MORN3: variants seen among roughly 807,000 people sequenced by gnomAD.
MORN3 encodes the protein MORN repeat containing 3.
Under a neutral mutation model 34.7 loss-of-function variants are expected in MORN3, and 38 were observed. The observed-to-expected ratio is 1.10, with a 90% CI of 0.85 to 1.44. MORN3 has a LOEUF of 1.44. Among genes scored for constraint, MORN3 ranks in the 40% most tolerant of loss-of-function variants. The pLI, the probability that MORN3 is intolerant of heterozygous loss-of-function variation, is 0.00. For synonymous variants in MORN3, 109 were observed against 115.3 expected (o/e 0.95, Z 0.35); for missense variants, 311 against 321.7 (o/e 0.97, Z 0.25).
At chr12:121,660,239 C>T (rs1353391824) in intron 1 of MORN3, among the ~76,000 whole-genome samples, 1 of 148,200 alleles carries the variant, frequency 6.7e-6, no homozygotes, top group African/African-American at 2.5e-5. Flanking sequence ...GCCTGGGAGA[C>T]GAGCGAAACT....
chr12:121,657,917 C>T (rs1893457454), intron 2 of MORN3, among the ~76,000 whole-genome samples: 1 of 151,976 alleles, frequency 6.6e-6, no homozygotes, highest in Admixed American at 6.6e-5. Flanking sequence ...GTCTCCCACA[C>T]AGCCAGTTCT....
Position 121,654,270 on chromosome 12 carries a change from T to G in MORN3, c.463+4A>C, listed in dbSNP as rs1893341513. 2 of 1,554,246 alleles carry G rather than the reference T, an allele frequency of 1.3e-6. No homozygotes were observed. The highest frequency in any genetic ancestry group is 1.7e-6 in the Non-Finnish European group (2 of 1,149,980). ...GGCGGGGCCGGCGGGGGTGGGGCAC[T>G]CACTCAGGCGCAGCATGCCCTCCCC... On this transcript the variant is annotated splice_donor_region_variant and intron_variant, in intron 3 of 5. Coordinates refer to ENST00000355329, the MANE Select transcript of MORN3 (RefSeq NM_173855.5).
chr12:121,661,933 GAAGA>G lies in MORN3; in HGVS notation c.146-2589_146-2586del, dbSNP rs377537458. On this transcript the variant is annotated intron_variant, in intron 1 of 5. Transcript: ENST00000355329. ...GGAGGAAGGGAGGAAGGAAGGAAGG[GAAGA>G]AAGAAAGAAAACGTGCCATTTGTGA... 3.4e-3 allele frequency among the ~76,000 whole-genome samples: 508 copies of G among 151,340 alleles called. 2 individuals carry two copies. The highest frequency in any genetic ancestry group is 0.011 in the African/African-American group (459 of 41,224).
chr12:121,659,317 T>C lies in MORN3; in HGVS notation c.177A>G (p.Gly59=), dbSNP rs989469815. 3.7e-6 allele frequency: 6 copies of C among 1,613,984 alleles called. No individual in the cohort carries two copies. In the African/African-American group the frequency reaches 5.3e-5, roughly 14 times the overall value. ...ACTTCCAGTCCCCCTCATAGATGGC[T>C]CCTTTCTTCTTCCAGACCTGTGTTC... ...GKGTQVWKKK[G]AIYEGDWKFG... is the part of the protein sequence containing the mutation. The change falls in exon 2 of 6, where the codon GGA becomes GGG. Residue 59 remains glycine (G), a synonymous_variant. Transcript: ENST00000355329.
chr12:121,668,752 C>T (rs1008755641), intron 1 of MORN3, among the ~76,000 whole-genome samples: 4 of 152,120 alleles, frequency 2.6e-5, no homozygotes, highest in African/African-American at 9.7e-5. Context: ...TCTGGAATTG[C>T]AAGACTGGAG....
chr12:121,653,789 A>G (rs1219219066), intron 3 of MORN3, among the ~76,000 whole-genome samples: 1 of 152,130 alleles, frequency 6.6e-6, no homozygotes, highest in African/African-American at 2.4e-5. Context: ...TACAGGCATG[A>G]GCCACTGCGC....
intron 5 of MORN3, among the ~76,000 whole-genome samples, chr12:121,652,382 T>C (rs1250301677): frequency 1.3e-5 from 2 of 152,064 alleles, no homozygotes; most frequent in African/African-American, 4.8e-5. Flanking sequence ...TACAGGTGCC[T>C]GCCACCACAC....
At chr12:121,658,997 C>G (rs989892429) in intron 2 of MORN3, among the ~76,000 whole-genome samples, 194 bp downstream of exon 2, 1 of 152,050 alleles carries the variant, frequency 6.6e-6, no homozygotes, top group Non-Finnish European at 1.5e-5. Context: ...TTCCTGTTTC[C>G]TGGGTTTTGT....
Position 121,654,330 on chromosome 12 carries a change from A to C in MORN3, c.407T>G (p.Ile136Ser). 6.2e-7 allele frequency: 1 copy of C among 1,603,060 alleles called. No homozygotes were observed. Among genetic ancestry groups the C allele is most frequent in the Non-Finnish European group, 8.5e-7 (1 of 1,175,582 alleles). Residue 136 changes from isoleucine (I) to serine (S), a missense_variant, in exon 3 of 6, where the codon ATC becomes AGC. By Grantham distance (142) the Ile-to-Ser change is moderately radical. Coordinates refer to ENST00000355329, the MANE Select transcript of MORN3 (RefSeq NM_173855.5). ...GTCGTTCTCCCACTGTCCCTCGTAG[A>C]TGTCGCCGTTGCTGTAATACATGCG... ...WGRMYYSNGDIYEGQWENDKP... is the reference protein window; with the variant it reads ...WGRMYYSNGDSYEGQWENDKP...
At chr12:121,671,532 C>A (rs371108938), upstream of MORN3, among the ~76,000 whole-genome samples, 12 of 152,062 alleles carry the variant, frequency 7.9e-5, no homozygotes, top group Non-Finnish European at 2.9e-5. Flanking sequence ...CAATTTAAGT[C>A]TTAGCTAGAT....
In MORN3 at chr12:121,659,364, T is replaced by C; in HGVS notation, c.146-16A>G. ...GTTCCTTTCCCTGGTGACACACAGATGGGCAATGCTGCAGACATGGCCGCC... is the reference window on the plus strand; with the variant it reads ...GTTCCTTTCCCTGGTGACACACAGACGGGCAATGCTGCAGACATGGCCGCC... On this transcript the variant is annotated splice_polypyrimidine_tract_variant and intron_variant, in intron 1 of 5. Coordinates refer to ENST00000355329, the MANE Select transcript of MORN3 (RefSeq NM_173855.5). 1 of 1,612,020 alleles carries C rather than the reference T, an allele frequency of 6.2e-7. No individual in the cohort carries two copies. The highest frequency in any genetic ancestry group is 8.5e-7 in the Non-Finnish European group (1 of 1,178,504).
At chr12:121,657,895 A>C (rs1270574949) in intron 2 of MORN3, among the ~76,000 whole-genome samples, 1 of 152,016 alleles carries the variant, frequency 6.6e-6, no homozygotes, top group African/African-American at 2.4e-5. Context: ...TAATAATAAT[A>C]ATAAAACTCA....
At chr12:121,657,503 T>C (rs539498179) in intron 2 of MORN3, among the ~76,000 whole-genome samples, 76 of 152,212 alleles carry the variant, frequency 5.0e-4, no homozygotes, top group African/African-American at 1.8e-3. Context: ...TGGCTTACTC[T>C]TTCCCCCACC....
intron 1 of MORN3, among the ~76,000 whole-genome samples, chr12:121,667,790 C>T (rs1893815059): frequency 6.7e-6 from 1 of 149,868 alleles, no homozygotes; most frequent in Non-Finnish European, 1.5e-5. Flanking sequence ...GTGGCGAGAT[C>T]TCGGTTCACT....
At chr12:121,652,565 G>T (rs2136865442) in intron 5 of MORN3, among the ~76,000 whole-genome samples, 163 bp downstream of exon 5, 1 of 152,304 alleles carries the variant, frequency 6.6e-6, no homozygotes, top group South Asian at 2.1e-4. Context: ...GCGTCAAAAA[G>T]GACACCTGGG....
At position 121,669,508 on chromosome 12, in the gene MORN3, G is replaced by C. The variant is rs755755276; in HGVS notation, c.-25C>G. On this transcript the variant is annotated 5_prime_UTR_variant, in exon 1 of 6. Coordinates refer to ENST00000355329, the MANE Select transcript of MORN3 (RefSeq NM_173855.5). Reference sequence around the variant, plus strand: ...TGGTGGCTGCTTCTGCAAGGCTGGAGGGTGCTGGAAAGGGGTTAGGGACAT... The same window carrying C: ...TGGTGGCTGCTTCTGCAAGGCTGGACGGTGCTGGAAAGGGGTTAGGGACAT... 1 of 1,612,006 alleles carries C rather than the reference G, an allele frequency of 6.2e-7. No individual in the cohort carries two copies. The highest frequency in any genetic ancestry group is 8.5e-7 in the Non-Finnish European group (1 of 1,178,780).
At position 121,659,297 on chromosome 12, in the gene MORN3, C is replaced by T; in HGVS notation, c.197G>A (p.Trp66Ter). 1 of 1,614,078 alleles carries T rather than the reference C, an allele frequency of 6.2e-7. No homozygotes were observed. The highest frequency in any genetic ancestry group is 2.2e-5 in the East Asian group (1 of 44,878). ...KKKGAIYEGDWKFGKRDGYGT... is the reference protein window; with the variant it reads ...KKKGAIYEGD The stretch of plus-strand genomic sequence containing the variant: ...GTAGCCGTCTCGCTTCCCAAACTTC[C>T]AGTCCCCCTCATAGATGGCTCCTTT... The change falls in exon 2 of 6, where the codon TGG becomes TAG. Residue 66 changes from tryptophan to a stop codon, truncating the protein, a stop_gained. Transcript: ENST00000355329. LOFTEE classifies it high-confidence loss of function.
At chr12:121,659,403 G>T in intron 1 of MORN3, 55 bp from the exon 2 acceptor site, 2 of 1,598,156 alleles carry the variant, frequency 1.3e-6, no homozygotes, top group Non-Finnish European at 1.7e-6. Flanking sequence ...GGGTGGGGGT[G>T]GTGTGCCTGC....
upstream of MORN3, chr12:121,672,562 G>GGCTCACCTGC: frequency 2.6e-5 from 4 of 152,266 alleles, no homozygotes; most frequent in Admixed American, 6.5e-5. Context: ...ACCTGCGCCC[G>GGCTCACCTGC]GCTCACCTGC....
Sources: allele counts gnomAD v4.1 joint callset (sites outside exome capture counted in the v4.1 genomes callset), GRCh38; gene constraint gnomAD v4.1.1; transcripts MANE v1.5; gene names NCBI Gene and HGNC (gene_info 2026-07-23, HGNC 2026-07-21).